PLCB2: variants seen among roughly 807,000 people sequenced by gnomAD.
PLCB2 encodes the protein phospholipase C beta 2, also known as 1-phosphatidylinositol 4,5-bisphosphate phosphodiesterase beta-2.
Under a neutral mutation model 141.7 loss-of-function variants are expected in PLCB2, and 115 were observed. The ratio of observed to expected loss-of-function variants is 0.81; its 90% confidence interval spans 0.70 to 0.95. PLCB2 has a LOEUF of 0.95. Among genes scored for constraint, PLCB2 ranks in the 40% least tolerant of loss-of-function variants. The pLI, the probability that PLCB2 is intolerant of heterozygous loss-of-function variation, is 0.00. For synonymous variants in PLCB2, 603 were observed against 595.6 expected (o/e 1.01, Z -0.18); for missense variants, 1,403 against 1,541.1 (o/e 0.91, Z 1.50).
chr15:40,291,233 T>C, intron 26 of PLCB2, 32 bp downstream of exon 26: 1 of 1,571,818 alleles, frequency 6.4e-7, no homozygotes, highest in Non-Finnish European at 8.6e-7. Context: ...CCACCCGCGC[T>C]GCAGAGGGCA....
chr15:40,303,655 C>G (rs968095457), intron 2 of PLCB2, among the ~76,000 whole-genome samples: 1 of 152,174 alleles, frequency 6.6e-6, no homozygotes, highest in Non-Finnish European at 1.5e-5. Flanking sequence ...CTTCCCCTTC[C>G]CGTCCTCCTG....
At position 40,296,533 on chromosome 15, in the gene PLCB2, G is replaced by A. The variant is rs201919907; in HGVS notation, c.1588C>T (p.Gln530Ter). 1 of 1,613,942 alleles carries A rather than the reference G, an allele frequency of 6.2e-7. No individual in the cohort carries two copies. The highest frequency in any genetic ancestry group is 2.2e-5 in the East Asian group (1 of 44,874). ...NLDEEEIKKM[Q>*]SDEGTAGLEV... The stretch of plus-strand genomic sequence containing the variant: ...CTACCCCCACACACCTCATCCGACT[G>A]CATCTTCTTAATCTCTTCTTCATCC... The change falls in exon 15 of 32, where the codon CAG becomes TAG. Residue 530 changes from glutamine (Q) to a stop codon, truncating the protein, a stop_gained. Coordinates refer to ENST00000260402, the MANE Select transcript of PLCB2 (RefSeq NM_004573.3). LOFTEE classifies it high-confidence loss of function.
At chr15:40,295,414 T>C in intron 16 of PLCB2, 129 bp from the exon 17 acceptor site, 1 of 675,100 alleles carries the variant, frequency 1.5e-6, no homozygotes, top group Non-Finnish European at 2.7e-6. Context: ...CACTGAGACC[T>C]GAGGTTTAGG....
chr15:40,284,713 G>A (rs113145786), downstream of PLCB2, among the ~76,000 whole-genome samples: 3,576 of 152,030 alleles, frequency 0.024, 144 homozygotes, highest in African/African-American at 0.081. Flanking sequence ...GGTGGCACGC[G>A]CCTGTAGTCC....
At chr15:40,296,029 G>A (rs1253059264) in intron 16 of PLCB2, among the ~76,000 whole-genome samples, 2 of 152,090 alleles carry the variant, frequency 1.3e-5, no homozygotes, top group Non-Finnish European at 2.9e-5. Context: ...TTCAGCCCTG[G>A]GAGCCACAGA....
chr15:40,291,552 C>A (rs2039928008), intron 25 of PLCB2, 54 bp downstream of exon 25: 2 of 1,609,562 alleles, frequency 1.2e-6, no homozygotes, highest in Non-Finnish European at 8.5e-7. Flanking sequence ...CCCCAAGGAG[C>A]CCCGGACCCG....
intron 20 of PLCB2, 33 bp from the exon 21 acceptor site, chr15:40,293,058 G>C (rs1245454565): frequency 7.1e-7 from 1 of 1,411,478 alleles, no homozygotes; most frequent in Non-Finnish European, 9.8e-7. Context: ...CAGGCTGGGA[G>C]GGGAGAGAGG....
At position 40,297,920 on chromosome 15, in the gene PLCB2, A is replaced by T; in HGVS notation, c.1195T>A (p.Ser399Thr). ...AACGACAGGATGATGGGATAGGGGG[A>T]GGTCTTAAAGGCGCTTTCTGCAATA... The part of the protein sequence containing the change: ...EAIAESAFKT[S>T]PYPIILSFEN... Residue 399 changes from serine to threonine, a missense_variant, in exon 12 of 32, where the codon TCC (serine) becomes ACC (threonine). By Grantham distance (58) the Ser-to-Thr change is moderately conservative (BLOSUM62 1). This residue lies in a region of PLCB2 where 975 missense variants were observed against 1,141.1 expected (regional missense o/e 0.85). Transcript: ENST00000260402. This position sits in a 1 kb window ranked among gnomAD's most constrained non-coding sequence, Gnocchi z 4.2. 1 of 1,612,968 alleles carries T rather than the reference A, an allele frequency of 6.2e-7. No homozygotes were observed. The highest frequency in any genetic ancestry group is 1.1e-5 in the South Asian group (1 of 91,034).
chr15:40,306,921 G>C (rs957812608), intron 1 of PLCB2, among the ~76,000 whole-genome samples: 6 of 152,236 alleles, frequency 3.9e-5, no homozygotes, highest in Admixed American at 3.9e-4. Context: ...GAGCAGCCCC[G>C]TGTAGGAAGG....
At position 40,303,903 on chromosome 15, in the gene PLCB2, C is replaced by T; in HGVS notation, c.162+98G>A. On this transcript the variant is annotated intron_variant, in intron 2 of 31. Transcript: ENST00000260402. ...CCACCCTTCCAGGCCATTCTGTACT[C>T]CCCAGCATCCATGCCTCCACCTTGG... The T allele has an allele frequency of 6.0e-6, 5 of 836,454 alleles. No individual in the cohort carries two copies. In the South Asian group the frequency reaches 6.1e-5, roughly 10 times the overall value. The allele number at this position is 836,454 out of a possible 1,614,324, so 51.8% of individuals were successfully genotyped here.
At chr15:40,290,505 C>G (rs2039829119) in intron 29 of PLCB2, 72 bp downstream of exon 29, 1 of 1,050,840 alleles carries the variant, frequency 9.5e-7, no homozygotes, top group East Asian at 2.4e-5. Flanking sequence ...GAGTCAGGAT[C>G]CATTTGTAGA....
In PLCB2 at chr15:40,288,849, C is replaced by A. The variant is rs749837580; in HGVS notation, c.3424G>T (p.Val1142Leu). ...AAGCAGGTCCTGAGGCAGGCCCTCACCGACTCCTTCACCTCTGCCTCCAGA... is the reference window on the plus strand; with the variant it reads ...AAGCAGGTCCTGAGGCAGGCCCTCAACGACTCCTTCACCTCTGCCTCCAGA... ...KGLEAEVKES[V>L]RACLRTCFPS... Residue 1142 changes from valine to leucine, a missense_variant, in exon 32 of 32, where the codon GTG becomes TTG. Physicochemically the swap from Val to Leu is conservative, Grantham distance 32. Around this residue, in one of 4 missense-constraint regions of PLCB2, gnomAD observed 132 missense variants for 132.4 expected, o/e 1.00. Transcript: ENST00000260402. 1 of 1,613,972 alleles carries A rather than the reference C, an allele frequency of 6.2e-7. No individual in the cohort carries two copies. The highest frequency in any genetic ancestry group is 1.3e-5 in the African/African-American group (1 of 74,938).
At position 40,293,608 on chromosome 15, in the gene PLCB2, A is replaced by G. The variant is rs747565072; in HGVS notation, c.2178T>C (p.Thr726=). 6.2e-7 allele frequency: 1 copy of G among 1,614,128 alleles called. No homozygotes were observed. The highest frequency in any genetic ancestry group is 2.2e-5 in the East Asian group (1 of 44,872). The change falls in exon 20 of 32, where the codon ACT becomes ACC. Residue 726 remains threonine, a synonymous_variant. Coordinates refer to ENST00000260402, the MANE Select transcript of PLCB2 (RefSeq NM_004573.3). ...RRYRTKLSPS[T]NSINPVWKEE... ...CCTTCCAGACAGGATTGATGGAGTT[A>G]GTACTGGGTGACAGCTTAGTTCGAT...
chr15:40,297,482 G>A lies in PLCB2; in HGVS notation c.1323+39C>T, dbSNP rs749108108. The A allele has an allele frequency of 5.9e-6, 9 of 1,518,572 alleles. No homozygotes were observed. The highest frequency in any genetic ancestry group is 2.7e-6 in the Non-Finnish European group (3 of 1,092,510). 94.1% of individuals were successfully genotyped at this position (1,518,572 alleles called of 1,614,324 possible). On this transcript the variant is annotated intron_variant, in intron 13 of 31. Transcript: ENST00000260402. This position sits in a 1 kb window ranked among gnomAD's most constrained non-coding sequence, Gnocchi z 4.2. ...GTTCTCACCCTGCCCCAGGTTCCCA[G>A]GCCCAAGGCTCAAATGTCCCACAGC...
downstream of PLCB2, among the ~76,000 whole-genome samples, chr15:40,284,836 CA>C (rs56397946): frequency 5.5e-3 from 411 of 74,792 alleles, 1 homozygote; most frequent in African/African-American, 0.014. Context: ...GAGACTCCGT[CA>C]AAAAAAAAAA....
At position 40,291,040 on chromosome 15, in the gene PLCB2, C is replaced by A. The variant is rs764222475; in HGVS notation, c.3014G>T (p.Arg1005Leu). The A allele has an allele frequency of 3.0e-5, 48 of 1,593,570 alleles. No individual in the cohort carries two copies. The highest frequency in any genetic ancestry group is 7.8e-5 in the South Asian group (7 of 90,142). ...GEEQYECVLK[R>L]KEQHVAEQIS... ...CACCTCGGCCACGTGCTGCTCCTTG[C>A]GCTTCAGAACGCACTCGTACTGCTC... Residue 1005 changes from arginine to leucine, a missense_variant, in exon 27 of 32, where the codon CGC (arginine) becomes CTC (leucine). Around this residue, in one of 4 missense-constraint regions of PLCB2, gnomAD observed 290 missense variants for 245.9 expected, o/e 1.18. Transcript: ENST00000260402.
chr15:40,290,914 G>A, intron 27 of PLCB2, 77 bp from the exon 28 acceptor site: 1 of 1,405,824 alleles, frequency 7.1e-7, no homozygotes, highest in Non-Finnish European at 9.7e-7. Context: ...GGTCGGTGGA[G>A]GGGAGTCGGT....
chr15:40,303,288 C>T lies in PLCB2; in HGVS notation c.231G>A (p.Lys77=). 1 of 1,611,012 alleles carries T rather than the reference C, an allele frequency of 6.2e-7. No homozygotes were observed. Among genetic ancestry groups the T allele is most frequent in the Non-Finnish European group, 8.5e-7 (1 of 1,177,082 alleles). ...TRFGKFAKMP[K]SQKLRDVFNM... Reference sequence around the variant, plus strand: ...CTGGGCTGCTACTGGACACACCTACCTTGGGCATCTTGGCAAACTTCCCAA... The same window carrying T: ...CTGGGCTGCTACTGGACACACCTACTTTGGGCATCTTGGCAAACTTCCCAA... Residue 77 remains lysine, a splice_region_variant and synonymous_variant, in exon 3 of 32, where the codon AAG becomes AAA. Transcript: ENST00000260402.
chr15:40,290,509 TTG>T (rs1326710974), intron 29 of PLCB2, 66 bp downstream of exon 29: 4 of 1,115,932 alleles, frequency 3.6e-6, no homozygotes. Flanking sequence ...CAGGATCCAT[TTG>T]TAGAGAGGCC....
Sources: allele counts gnomAD v4.1 joint callset (sites outside exome capture counted in the v4.1 genomes callset), GRCh38; gene constraint gnomAD v4.1.1; regional missense constraint gnomAD v4.1.1; non-coding constraint Gnocchi (gnomAD v3.1); transcripts MANE v1.5; gene names NCBI Gene and HGNC (gene_info 2026-07-23, HGNC 2026-07-21).